Variants in PTPRM observed in about 807,000 individuals in gnomAD.
The protein encoded by PTPRM is receptor-type tyrosine-protein phosphatase mu.
Under a neutral mutation model 186.7 loss-of-function variants are expected in PTPRM, and 47 were observed. The ratio of observed to expected loss-of-function variants is 0.25; its 90% confidence interval spans 0.20 to 0.32. The LOEUF is 0.32. Ranked by LOEUF, PTPRM falls within the 10% of genes least tolerant of loss-of-function variation. The pLI, the probability that PTPRM is intolerant of heterozygous loss-of-function variation, is 1.00. For synonymous variants in PTPRM, 668 were observed against 674.9 expected (o/e 0.99, Z 0.16); for missense variants, 1,494 against 1,865.0 (o/e 0.80, Z 3.66).
At position 8,024,681 on chromosome 18, in the gene PTPRM, C is replaced by CTTTTTTT. The variant is rs397724573; in HGVS notation, c.1133-44994_1133-44988dup. 1.5e-3 allele frequency among the ~76,000 whole-genome samples: 192 copies of CTTTTTTT among 124,812 alleles called. 6 individuals are homozygous for CTTTTTTT. Among genetic ancestry groups the CTTTTTTT allele is most frequent in the East Asian group, 3.4e-3 (15 of 4,438 alleles). 81.9% of individuals were successfully genotyped at this position (124,812 alleles called of 152,430 possible). On this transcript the variant is annotated intron_variant, in intron 7 of 32. Coordinates refer to ENST00000580170, the MANE Select transcript of PTPRM (RefSeq NM_001105244.2). ...ATTCCAAAGATTTGGAAACCCAAAT[C>CTTTTTTT]TTTTTTTTTTTTTTTTTACTGAGTC...
At chr18:7,736,820 G>C (rs2040780496) in intron 1 of PTPRM, among the ~76,000 whole-genome samples, 2 of 152,162 alleles carry the variant, frequency 1.3e-5, no homozygotes, top group Admixed American at 1.3e-4. Context: ...GCCAGGCCTG[G>C]TTTCGGGCCT....
At chr18:7,716,691 A>C (rs113524414) in intron 1 of PTPRM, among the ~76,000 whole-genome samples, 4 of 152,248 alleles carry the variant, frequency 2.6e-5, no homozygotes, top group African/African-American at 9.6e-5. Flanking sequence ...GACACTTCTC[A>C]ATAGAAGATA....
At chr18:8,218,285 T>C (rs1479084181) in intron 14 of PTPRM, among the ~76,000 whole-genome samples, 1 of 152,188 alleles carries the variant, frequency 6.6e-6, no homozygotes, top group Non-Finnish European at 1.5e-5. Context: ...GAGCATCCAC[T>C]GCACGCCCAG....
At chr18:7,713,218 A>G (rs1350304779) in intron 1 of PTPRM, among the ~76,000 whole-genome samples, 2 of 152,244 alleles carry the variant, frequency 1.3e-5, no homozygotes, top group Admixed American at 1.3e-4. Context: ...CCAATATTCA[A>G]CATTCTTAAG....
At chr18:8,080,067 A>G (rs375204155) in intron 9 of PTPRM, among the ~76,000 whole-genome samples, 1 of 152,222 alleles carries the variant, frequency 6.6e-6, no homozygotes, top group East Asian at 1.9e-4. Context: ...ATTACAAGTG[A>G]TACAGAAGTT....
rs982828061 is a variant in PTPRM at position 8,069,730 on chromosome 18, T to A, written c.1177T>A (p.Ser393Thr). ...AAAACTAGAAGTAGTGGAGGTCAAA[T>A]CTCGGCAAATCACTATCCGCTGGGA... ...PRKLEVVEVK[S>T]RQITIRWEPF... The change falls in exon 8 of 33, where the codon TCT becomes ACT. Residue 393 changes from serine (S) to threonine (T), a missense_variant. Ser to Thr is a moderately conservative substitution (Grantham distance 58). Coordinates refer to ENST00000580170, the MANE Select transcript of PTPRM (RefSeq NM_001105244.2). 2.5e-6 allele frequency: 4 copies of A among 1,613,866 alleles called. No individual in the cohort carries two copies. The African/African-American group carries it at 5.3e-5, about 22-fold the overall frequency.
chr18:7,679,913 T>C (rs1407070387), intron 1 of PTPRM, among the ~76,000 whole-genome samples: 6 of 152,146 alleles, frequency 3.9e-5, no homozygotes, highest in African/African-American at 1.4e-4. Context: ...TCACTCAGGC[T>C]GGAGTGCAGT....
chr18:7,615,885 G>A (rs1200835189), intron 1 of PTPRM, among the ~76,000 whole-genome samples: 4 of 152,154 alleles, frequency 2.6e-5, no homozygotes, highest in African/African-American at 9.7e-5. Flanking sequence ...ATAGGAGACA[G>A]TGACAGATCA....
intron 4 of PTPRM, among the ~76,000 whole-genome samples, chr18:7,920,783 T>G (rs2050816029): frequency 6.6e-6 from 1 of 152,212 alleles, no homozygotes; most frequent in African/African-American, 2.4e-5. Flanking sequence ...GTAAGATAGA[T>G]CTAATAGTGA....
chr18:8,079,050 CT>C (rs2089986827), intron 9 of PTPRM, among the ~76,000 whole-genome samples: 1 of 152,216 alleles, frequency 6.6e-6, no homozygotes. Flanking sequence ...TCTGTTCTCT[CT>C]TTGCTTATTA....
chr18:7,575,048 T>A (rs1171535657), intron 1 of PTPRM, among the ~76,000 whole-genome samples: 1 of 151,684 alleles, frequency 6.6e-6, no homozygotes, highest in Admixed American at 6.6e-5. Flanking sequence ...CAGAAAAAAA[T>A]AATGAAGATT....
chr18:8,352,644 T>G (rs2095540602), intron 23 of PTPRM, among the ~76,000 whole-genome samples: 1 of 106,092 alleles, frequency 9.4e-6, no homozygotes, highest in South Asian at 3.6e-4. Flanking sequence ...TTTTTTTTTT[T>G]TTGGTTTGGT....
chr18:8,088,374 A>G (rs2090538787), intron 10 of PTPRM, among the ~76,000 whole-genome samples: 1 of 152,258 alleles, frequency 6.6e-6, no homozygotes, highest in Admixed American at 6.5e-5. Flanking sequence ...TTTAGCATAA[A>G]CAGTTTATTT....
intron 7 of PTPRM, among the ~76,000 whole-genome samples, chr18:7,993,492 A>G (rs1435497382): frequency 3.9e-5 from 6 of 152,126 alleles, no homozygotes; most frequent in Non-Finnish European, 7.4e-5. Context: ...ATCAAGTCAC[A>G]TGTAAGAGAA....
At chr18:8,111,376 G>A (rs1043123169) in intron 11 of PTPRM, among the ~76,000 whole-genome samples, 1 of 152,162 alleles carries the variant, frequency 6.6e-6, no homozygotes, top group African/African-American at 2.4e-5. Context: ...ACTTTGGGAG[G>A]CCGAGGCGGG....
chr18:8,336,934 G>A (rs1040490945), intron 22 of PTPRM, among the ~76,000 whole-genome samples: 5 of 146,336 alleles, frequency 3.4e-5, no homozygotes, highest in East Asian at 2.1e-4. Flanking sequence ...CCAAGATCAC[G>A]CCACTGCACT....
At position 7,675,559 on chromosome 18, in the gene PTPRM, T is replaced by C. The variant is rs533635077; in HGVS notation, c.74-98590T>C. ...CACTAATGTCAGGACAGAATAAACA[T>C]TGACTACTCAGGACAAGTTTTCAGA... On this transcript the variant is annotated intron_variant, in intron 1 of 32. Transcript: ENST00000580170. 2.6e-5 allele frequency among the ~76,000 whole-genome samples: 4 copies of C among 152,246 alleles called. No homozygotes were observed. The East Asian group carries it at 7.7e-4, about 29-fold the overall frequency.
chr18:7,616,592 C>T (rs1012889729), intron 1 of PTPRM, among the ~76,000 whole-genome samples: 1 of 152,120 alleles, frequency 6.6e-6, no homozygotes, highest in East Asian at 1.9e-4. Flanking sequence ...CAGTGTTGTG[C>T]GGCAGAGACT....
At chr18:8,149,239 T>C (rs2092949949) in intron 14 of PTPRM, among the ~76,000 whole-genome samples, 2 of 152,300 alleles carry the variant, frequency 1.3e-5, no homozygotes, top group Middle Eastern at 3.4e-3. Context: ...CTGTCTAATA[T>C]TGACAGTGGG....
Sources: gnomAD v4.1 joint callset for allele counts (sites outside exome capture counted in the v4.1 genomes callset) on GRCh38, gnomAD v4.1.1 for gene constraint, MANE v1.5 for transcripts, NCBI Gene and HGNC (gene_info 2026-07-23, HGNC 2026-07-21) for gene names.